PAFAH1B1: variants seen among roughly 807,000 people sequenced by gnomAD.
PAFAH1B1 encodes platelet-activating factor acetylhydrolase IB subunit beta.
Under a neutral mutation model 57.5 loss-of-function variants are expected in PAFAH1B1, and 2 were observed. The ratio of observed to expected loss-of-function variants is 0.03; its 90% CI spans 0.01 to 0.11. PAFAH1B1 has a LOEUF of 0.11. PAFAH1B1 is among the 10% of genes least tolerant of loss of function. PAFAH1B1 has a pLI of 1.00. For missense variants in PAFAH1B1, 257 were observed against 512.0 expected (o/e 0.50, Z 4.81); for synonymous variants, 152 against 169.6 (o/e 0.90, Z 0.81).
chr17:2,626,797 C>T (rs928589106), intron 1 of PAFAH1B1, among the ~76,000 whole-genome samples: 8 of 152,072 alleles, frequency 5.3e-5, no homozygotes, highest in African/African-American at 9.7e-5. Flanking sequence ...TTGTGATCTG[C>T]CCGCATCGAC....
At chr17:2,649,748 G>C (rs1398824444) in intron 2 of PAFAH1B1, among the ~76,000 whole-genome samples, 1 of 152,124 alleles carries the variant, frequency 6.6e-6, no homozygotes, top group East Asian at 1.9e-4. Flanking sequence ...TGACCAGCTT[G>C]ATCTTAAAAA....
chr17:2,624,084 A>G (rs1047039230), intron 1 of PAFAH1B1, among the ~76,000 whole-genome samples: 12 of 152,210 alleles, frequency 7.9e-5, no homozygotes, highest in Admixed American at 7.2e-4. Context: ...GGCAGGGGCA[A>G]AATGCTGCCA....
At chr17:2,664,993 G>T (rs2069086296) in intron 2 of PAFAH1B1, among the ~76,000 whole-genome samples, 1 of 147,596 alleles carries the variant, frequency 6.8e-6, no homozygotes, top group South Asian at 2.2e-4. Context: ...ATAACAAGTG[G>T]TAAAGAAAGA....
chr17:2,606,319 A>G (rs565618357), intron 1 of PAFAH1B1, among the ~76,000 whole-genome samples: 11 of 152,256 alleles, frequency 7.2e-5, no homozygotes, highest in African/African-American at 1.9e-4. Context: ...CAGAAAGCCT[A>G]TCATGAGACC....
intron 2 of PAFAH1B1, among the ~76,000 whole-genome samples, chr17:2,653,911 T>C (rs2068900893): frequency 6.6e-6 from 1 of 152,082 alleles, no homozygotes; most frequent in Non-Finnish European, 1.5e-5. Context: ...TGGGTTCACG[T>C]GATTCTCCTG....
At chr17:2,620,097 TGCTAC>T (rs1214074319) in intron 1 of PAFAH1B1, among the ~76,000 whole-genome samples, 1 of 152,188 alleles carries the variant, frequency 6.6e-6, no homozygotes, top group Non-Finnish European at 1.5e-5. Context: ...TTTTCATAAA[TGCTAC>T]TTGATAAATT....
At chr17:2,659,520 CAAAAAA>C (rs1162326785) in intron 2 of PAFAH1B1, 215 of 42,634 alleles carry the variant, frequency 5.0e-3, no homozygotes, top group South Asian at 0.022. Context: ...ACTGCCTCGC[CAAAAAA>C]AAAAAAAAAA....
In PAFAH1B1 at chr17:2,645,512, G is replaced by A. The variant is rs1161372491; in HGVS notation, c.32+7192G>A. On this transcript the variant is annotated intron_variant, in intron 2 of 10. Coordinates refer to ENST00000397195, the MANE Select transcript of PAFAH1B1 (RefSeq NM_000430.4). ...GGAGGCTGAGGCACAAGAATCACTT[G>A]AACCTGGGAGGCAGAGGTTGCAGTG... 2.6e-5 allele frequency among the ~76,000 whole-genome samples: 4 copies of A among 151,460 alleles called. No individual in the cohort carries two copies. The East Asian group carries it at 7.9e-4, about 30-fold the overall frequency.
chr17:2,607,629 A>G (rs1409417864), intron 1 of PAFAH1B1, among the ~76,000 whole-genome samples: 2 of 151,492 alleles, frequency 1.3e-5, no homozygotes, highest in Non-Finnish European at 2.9e-5. Context: ...GATCACAGGC[A>G]TGTACCACCA....
chr17:2,623,681 G>A (rs1048801783), intron 1 of PAFAH1B1, among the ~76,000 whole-genome samples: 13 of 149,252 alleles, frequency 8.7e-5, no homozygotes, highest in African/African-American at 3.0e-4. Context: ...AGGCTGGACT[G>A]CAGTGGTGCG....
At chr17:2,601,653 G>T (rs993321258) in intron 1 of PAFAH1B1, among the ~76,000 whole-genome samples, 1 of 152,140 alleles carries the variant, frequency 6.6e-6, no homozygotes, top group Non-Finnish European at 1.5e-5. Context: ...TGTTGGTCAG[G>T]CAGGCCTTGA....
At chr17:2,635,689 T>C (rs886192868) in intron 1 of PAFAH1B1, among the ~76,000 whole-genome samples, 1 of 152,152 alleles carries the variant, frequency 6.6e-6, no homozygotes, top group African/African-American at 2.4e-5. Context: ...TGTACATTCA[T>C]TTGCTTTTTT....
chr17:2,624,284 A>G lies in PAFAH1B1; in HGVS notation c.-190-13815A>G, dbSNP rs564286079. On this transcript the variant is annotated intron_variant, in intron 1 of 10. Transcript: ENST00000397195. The stretch of plus-strand genomic sequence containing the variant: ...GTTTTCCTGTCTTCTGAGCCCTCCA[A>G]ACTGTTCCAAACTCTGCCTGTTACC... Among the ~76,000 whole-genome samples the G allele has an allele frequency of 2.0e-5, 3 of 152,092 alleles. No homozygotes were observed. The East Asian group carries it at 5.8e-4, about 29-fold the overall frequency.
intron 1 of PAFAH1B1, among the ~76,000 whole-genome samples, chr17:2,625,893 G>A (rs1364438716): frequency 1.3e-5 from 2 of 152,070 alleles, no homozygotes; most frequent in Admixed American, 6.6e-5. Flanking sequence ...AGCTATGATC[G>A]ATCATGCCAT....
chr17:2,652,372 G>A (rs184620644), intron 2 of PAFAH1B1, among the ~76,000 whole-genome samples: 167 of 152,332 alleles, frequency 1.1e-3, no homozygotes, highest in African/African-American at 2.5e-3. Flanking sequence ...CCAAGATCGC[G>A]CCACTGCACT....
chr17:2,676,432 T>C (rs1471034612), intron 8 of PAFAH1B1, 73 bp from the exon 9 acceptor site: 7 of 919,010 alleles, frequency 7.6e-6, no homozygotes, highest in African/African-American at 1.6e-5. Context: ...ATATCATTAT[T>C]AGATAGAAGC....
rs1305223107 is a variant in PAFAH1B1, at chr17:2,672,736, A to T, written c.650A>T (p.Lys217Ile). Residue 217 changes from lysine (K) to isoleucine (I), a missense_variant, in exon 7 of 11, where the codon AAA (lysine) becomes ATA (isoleucine). Physicochemically the swap from Lys to Ile is moderately radical, Grantham distance 102. Transcript: ENST00000397195. ...IVSASRDKTIKMWEVQTGYCV... is the reference protein window; with the variant it reads ...IVSASRDKTIIMWEVQTGYCV... ...TCTGCCTCAAGGGATAAAACTATAAAAATGTGGGAAGTGCAAACTGGGTAA... is the reference window on the plus strand; with the variant it reads ...TCTGCCTCAAGGGATAAAACTATAATAATGTGGGAAGTGCAAACTGGGTAA... 2 of 1,610,626 alleles carry T rather than the reference A, an allele frequency of 1.2e-6. No homozygotes were observed. The highest frequency in any genetic ancestry group is 1.7e-6 in the Non-Finnish European group (2 of 1,177,448).
intron 1 of PAFAH1B1, among the ~76,000 whole-genome samples, chr17:2,615,768 A>C (rs2068331817): frequency 6.6e-6 from 1 of 152,150 alleles, no homozygotes; most frequent in Admixed American, 6.5e-5. Context: ...AGGGGCAGTG[A>C]AGAAGTAGTC....
chr17:2,621,787 G>A (rs2873425), intron 1 of PAFAH1B1, among the ~76,000 whole-genome samples: 152,150 of 152,154 alleles, frequency 1, 76,073 homozygotes, highest in Middle Eastern at 1. Flanking sequence ...ATGTCCAGCT[G>A]ATTTTTGTAT....
Sources: allele counts gnomAD v4.1 joint callset (sites outside exome capture counted in the v4.1 genomes callset), GRCh38; gene constraint gnomAD v4.1.1; transcripts MANE v1.5; gene names NCBI Gene and HGNC (gene_info 2026-07-23, HGNC 2026-07-21).